The following HTR3D variants were observed in gnomAD, a reference collection of about 807,000 sequenced individuals.
HTR3D encodes the protein 5-hydroxytryptamine (serotonin) receptor 3 family member D.
In HTR3D, 47 loss-of-function variants were observed where a neutral mutation model predicts 45.8. The observed-to-expected ratio is 1.03, with a 90% CI of 0.81 to 1.31. HTR3D has a LOEUF of 1.31. Among genes scored for constraint, HTR3D ranks in the 50% most tolerant of loss-of-function variants. The pLI is 0.00. For missense variants in HTR3D, 448 were observed against 506.9 expected (o/e 0.88, Z 1.12); for synonymous variants, 203 against 199.8 (o/e 1.02, Z -0.13).
chr3:184,038,968 A>T lies in HTR3D; in HGVS notation c.1208A>T (p.Asn403Ile), dbSNP rs1450081875. Residue 403 changes from asparagine to isoleucine, a missense_variant, in exon 8 of 8, where the codon AAC becomes ATC. By Grantham distance (149) the Asn-to-Ile change is moderately radical. Transcript: ENST00000428798. The surrounding 1 kb of genome is among the most constrained non-coding windows in gnomAD (Gnocchi z 4.5). ...ATCATCACCGTCATATGCCTCTGGAACACCTAGGCAGGTGCTCACCTGCAA... is the reference window on the plus strand; with the variant it reads ...ATCATCACCGTCATATGCCTCTGGATCACCTAGGCAGGTGCTCACCTGCAA... ...SSIITVICLWNT is the reference protein window; with the variant it reads ...SSIITVICLWIT 4.3e-6 allele frequency: 7 copies of T among 1,613,904 alleles called. No individual in the cohort carries two copies. Among genetic ancestry groups the T allele is most frequent in the Non-Finnish European group, 5.9e-6 (7 of 1,179,980 alleles).
chr3:184,036,702 G>T (rs1341938904), intron 4 of HTR3D, 46 bp from the exon 5 acceptor site: 1 of 1,553,802 alleles, frequency 6.4e-7, no homozygotes, highest in Non-Finnish European at 8.7e-7. Context: ...GGGCGCATTT[G>T]GGGAGGCTGA....
Position 184,036,429 on chromosome 3 carries a change from A to G in HTR3D, c.252A>G (p.Thr84=). ...CTAGTATGTCAATAGTGAAGGCCAC[A>G]TCAAACACAATAAGCCAATGTGGGT... ...LMASMSIVKA[T]SNTISQCGWS... Residue 84 remains threonine (T), a synonymous_variant, in exon 4 of 8, where the codon ACA becomes ACG. Transcript: ENST00000428798. 3 of 1,614,236 alleles carry G rather than the reference A, an allele frequency of 1.9e-6. No individual in the cohort carries two copies. The highest frequency in any genetic ancestry group is 2.5e-6 in the Non-Finnish European group (3 of 1,180,048).
chr3:184,036,181 A>C (rs1226801715), intron 3 of HTR3D, 81 bp downstream of exon 3: 1 of 1,496,958 alleles, frequency 6.7e-7, no homozygotes, highest in African/African-American at 1.4e-5. Flanking sequence ...CCACACAAAG[A>C]CTCAACTTAG....
At chr3:184,037,085 G>A (rs1444255691) in intron 5 of HTR3D, among the ~76,000 whole-genome samples, 189 bp downstream of exon 5, 2 of 151,076 alleles carry the variant, frequency 1.3e-5, no homozygotes, top group Admixed American at 1.3e-4. Flanking sequence ...TGTCGCTCAG[G>A]CTGGAGTGCA....
Position 184,038,717 on chromosome 3 carries a change from C to G in HTR3D, c.986-29C>G. The G allele has an allele frequency of 1.9e-6, 3 of 1,562,128 alleles. No individual in the cohort carries two copies. The East Asian group carries it at 7.0e-5, about 37-fold the overall frequency. On this transcript the variant is annotated intron_variant, in intron 7 of 7. Transcript: ENST00000428798. The surrounding 1 kb of genome is among the most constrained non-coding windows in gnomAD (Gnocchi z 4.5). Reference sequence around the variant, plus strand: ...CTCCCTCCACAGGTGACATTTGCAGCCCATGGCTGAGTCTCTGTCTTTCTG... The same window carrying G: ...CTCCCTCCACAGGTGACATTTGCAGGCCATGGCTGAGTCTCTGTCTTTCTG...
At chr3:184,034,916 T>G in intron 1 of HTR3D, 1 of 570,530 alleles carries the variant, frequency 1.8e-6, no homozygotes, top group Non-Finnish European at 2.8e-6. Context: ...TGATAAGAAA[T>G]GCTGTAATGA....
rs148962973 is a variant in HTR3D, at chr3:184,035,174, C to G, written c.67-4C>G. On this transcript the variant is annotated splice_region_variant and splice_polypyrimidine_tract_variant and intron_variant, in intron 1 of 7. Coordinates refer to ENST00000428798, the MANE Select transcript of HTR3D (RefSeq NM_001145143.1). ...AATCATCTAGATGAAAGCTGCTATTCCAGGATTCACACCTTCAACTGGTGA... is the reference window on the plus strand; with the variant it reads ...AATCATCTAGATGAAAGCTGCTATTGCAGGATTCACACCTTCAACTGGTGA... 2.6e-6 allele frequency: 4 copies of G among 1,551,968 alleles called. No individual in the cohort carries two copies. Among genetic ancestry groups the G allele is most frequent in the East Asian group, 4.9e-5 (2 of 40,918 alleles).
intron 1 of HTR3D, 67 bp downstream of exon 1, chr3:184,031,874 A>G: frequency 8.9e-7 from 1 of 1,117,592 alleles, no homozygotes; most frequent in African/African-American, 1.5e-5. Context: ...AAACAGGCTA[A>G]TATTTTTTAT....
At chr3:184,035,704 T>C (rs1056249240) in intron 2 of HTR3D, among the ~76,000 whole-genome samples, 2 of 151,840 alleles carry the variant, frequency 1.3e-5, no homozygotes, top group African/African-American at 4.8e-5. Context: ...TTTTTTTTTT[T>C]TGAGAGAGTC....
intron 5 of HTR3D, among the ~76,000 whole-genome samples, chr3:184,037,785 G>C (rs889747928): frequency 2.6e-4 from 39 of 152,206 alleles, no homozygotes; most frequent in African/African-American, 9.2e-4. Flanking sequence ...AATTTAAGTG[G>C]AGAAAGTTGA....
rs1326539168 is a variant in HTR3D at position 184,036,039 on chromosome 3, A to C, written c.136A>C (p.Ile46Leu). Residue 46 changes from isoleucine to leucine, a missense_variant, in exon 3 of 8, where the codon ATC becomes CTC. Ile to Leu is a conservative substitution (Grantham distance 5). Coordinates refer to ENST00000428798, the MANE Select transcript of HTR3D (RefSeq NM_001145143.1). ...NMWNPDECGG[I>L]KKSGMATENL... ...GTGGAACCCAGATGAATGCGGAGGC[A>C]TCAAGAAGTCCGGCATGGCAACTGA... 7 of 1,551,582 alleles carry C rather than the reference A, an allele frequency of 4.5e-6. No individual in the cohort carries two copies. The highest frequency in any genetic ancestry group is 4.4e-6 in the Non-Finnish European group (5 of 1,146,990).
upstream of HTR3D, chr3:184,031,664 G>T (rs1722753009): frequency 1.1e-6 from 1 of 948,622 alleles, no homozygotes; most frequent in African/African-American, 1.6e-5. Context: ...TTCAAAGGTA[G>T]GGCTCAAGGT....
rs938132221 is a variant in HTR3D, at chr3:184,038,938, C to T, written c.1178C>T (p.Ser393Phe). The T allele has an allele frequency of 1.9e-6, 3 of 1,614,226 alleles. No homozygotes were observed. The highest frequency in any genetic ancestry group is 8.5e-7 in the Non-Finnish European group (1 of 1,180,036). ...LFRLYLLFMA[S>F]SIITVICLWN... ...CGCCTCTACCTGCTCTTCATGGCCT[C>T]CTCCATCATCACCGTCATATGCCTC... Residue 393 changes from serine to phenylalanine, a missense_variant, in exon 8 of 8, where the codon TCC becomes TTC. Ser to Phe is a radical substitution (Grantham distance 155, BLOSUM62 -2). Transcript: ENST00000428798. This position sits in a 1 kb window ranked among gnomAD's most constrained non-coding sequence, Gnocchi z 4.5.
At position 184,038,024 on chromosome 3, in the gene HTR3D, G is replaced by A. The variant is rs181772092; in HGVS notation, c.520G>A (p.Ala174Thr). 1.3e-4 allele frequency: 216 copies of A among 1,613,230 alleles called. No homozygotes were observed. The highest frequency in any genetic ancestry group is 8.3e-4 in the Middle Eastern group (5 of 6,042). The change falls in exon 6 of 8, where the codon GCC (alanine) becomes ACC (threonine). Residue 174 changes from alanine (A) to threonine (T), a missense_variant. By Grantham distance (58) the Ala-to-Thr change is moderately conservative. Coordinates refer to ENST00000428798, the MANE Select transcript of HTR3D (RefSeq NM_001145143.1). This position sits in a 1 kb window ranked among gnomAD's most constrained non-coding sequence, Gnocchi z 4.5. ...CCCTCCTTCTCCTCCCCACCAGGTG[G>A]CCATCAGGCGCAGGTGCAGGCCCAG... is the stretch of plus-strand genomic sequence containing the variant. ...NQYEQAIFHV[A>T]IRRRCRPSPY...
At chr3:184,031,700 A>G (rs959882007), upstream of HTR3D, 46 of 1,424,084 alleles carry the variant, frequency 3.2e-5, no homozygotes, top group Middle Eastern at 3.5e-4. Flanking sequence ...TTAAAGGTTA[A>G]CATCATCATC....
At chr3:184,032,846 C>A in intron 1 of HTR3D, 1 of 1,551,760 alleles carries the variant, frequency 6.4e-7, no homozygotes, top group South Asian at 1.2e-5. Flanking sequence ...GAAACACTCT[C>A]CAGGCCCCCC....
chr3:184,031,695 G>T, upstream of HTR3D: 1 of 1,381,588 alleles, frequency 7.2e-7, no homozygotes, highest in Non-Finnish European at 1.0e-6. Flanking sequence ...GTTTTTTAAA[G>T]GTTAACATCA....
chr3:184,039,039 C>T lies in HTR3D; in HGVS notation c.*64C>T. On this transcript the variant is annotated 3_prime_UTR_variant, in exon 8 of 8. Transcript: ENST00000428798. ...TTGCCAGAGAACTCCAGAAACCAGT[C>T]AGGCTCTCAGTCAGCCTTGTGGCCC... 6.8e-7 allele frequency: 1 copy of T among 1,460,694 alleles called. No homozygotes were observed. Among genetic ancestry groups the T allele is most frequent in the East Asian group, 2.4e-5 (1 of 40,928 alleles). 90.5% of individuals were successfully genotyped at this position (1,460,694 alleles called of 1,614,324 possible).
intron 1 of HTR3D, chr3:184,033,149 T>C: frequency 1.1e-6 from 1 of 918,352 alleles, no homozygotes; most frequent in Non-Finnish European, 1.6e-6. Flanking sequence ...AGATGGAGTC[T>C]TGCTCTTGTC....
Sources: allele counts gnomAD v4.1 joint callset (sites outside exome capture counted in the v4.1 genomes callset), GRCh38; gene constraint gnomAD v4.1.1; non-coding constraint Gnocchi (gnomAD v3.1); transcripts MANE v1.5; gene names NCBI Gene and HGNC (gene_info 2026-07-23, HGNC 2026-07-21).